The following COL28A1 variants were observed in gnomAD, a reference collection of about 807,000 sequenced individuals.
COL28A1 encodes collagen type XXVIII alpha 1 chain.
COL28A1 carries 161 observed loss-of-function variants against 150.2 expected under a neutral mutation model. The observed-to-expected ratio is 1.07, with a 90% CI of 0.94 to 1.22. The LOEUF (loss-of-function observed/expected upper bound fraction) is 1.22. COL28A1 is among the 50% of genes most tolerant of loss of function. The pLI is 0.00. For synonymous variants in COL28A1, 552 were observed against 469.7 expected (o/e 1.18, Z -2.26); for missense variants, 1,617 against 1,388.3 (o/e 1.16, Z -2.62).
At chr7:7,536,325 A>G (rs1480957648), upstream of COL28A1, among the ~76,000 whole-genome samples, 2 of 152,172 alleles carry the variant, frequency 1.3e-5, no homozygotes, top group Non-Finnish European at 2.9e-5. Flanking sequence ...ATTTTTTATA[A>G]TAAAAGGTAT....
the COL28A1 span, among the ~76,000 whole-genome samples, chr7:7,347,998 T>A: frequency 6.6e-6 from 1 of 152,154 alleles, no homozygotes; most frequent in East Asian, 1.9e-4. Context: ...GAGGCATTAA[T>A]TGGCATGGCA....
intron 33 of COL28A1, among the ~76,000 whole-genome samples, chr7:7,362,317 G>T (rs116307478): frequency 6.6e-6 from 1 of 151,520 alleles, no homozygotes; most frequent in Non-Finnish European, 1.5e-5. Flanking sequence ...CCTGAGTCCT[G>T]ACACTTGGTT....
chr7:7,447,289 T>G (rs1234772063), intron 18 of COL28A1, among the ~76,000 whole-genome samples: 1 of 152,024 alleles, frequency 6.6e-6, no homozygotes. Flanking sequence ...TGTGGGGCAT[T>G]CAATAAAAAA....
At position 7,506,481 on chromosome 7, in the gene COL28A1, CAAAGA is replaced by C. The variant is rs376164358; in HGVS notation, c.973-419_973-415del. ...TGGCTCTGACATTTCCAGGCTAAAG[CAAAGA>C]AGTTAGTGGTTAACTAGATGGTGTC... On this transcript the variant is annotated intron_variant, in intron 10 of 34. Transcript: ENST00000399429. Among the ~76,000 whole-genome samples, 700 of 152,232 alleles carry C rather than the reference CAAAGA, an allele frequency of 4.6e-3. 4 individuals carry two copies. The highest frequency in any genetic ancestry group is 0.022 in the East Asian group (113 of 5,180).
At chr7:7,431,644 AG>A (rs757798738) in intron 25 of COL28A1, 9 of 471,026 alleles carry the variant, frequency 1.9e-5, no homozygotes, top group South Asian at 1.1e-4. Flanking sequence ...AAGTGTTCAA[AG>A]TCTGAAAGAG....
At chr7:7,530,309 A>G (rs763630585) in intron 3 of COL28A1, among the ~76,000 whole-genome samples, 16 of 152,224 alleles carry the variant, frequency 1.1e-4, no homozygotes, top group Non-Finnish European at 2.1e-4. Context: ...AAGAGCTATT[A>G]TTTAGGTAAG....
At chr7:7,459,546 A>C (rs1277303325) in intron 15 of COL28A1, among the ~76,000 whole-genome samples, 6 of 152,238 alleles carry the variant, frequency 3.9e-5, no homozygotes, top group Non-Finnish European at 2.9e-5. Context: ...AAATGACTCC[A>C]AATTGATATG....
rs147643003 is a variant in COL28A1, at chr7:7,492,296, C to T, written c.1027-1650G>A. On this transcript the variant is annotated intron_variant, in intron 11 of 34. Coordinates refer to ENST00000399429, the MANE Select transcript of COL28A1 (RefSeq NM_001037763.3). Reference sequence around the variant, plus strand: ...TGCTTTACTATAAGAAGTCTGTAACCGATGTGGTGGCTCATGCCTGTAATC... The same window carrying T: ...TGCTTTACTATAAGAAGTCTGTAACTGATGTGGTGGCTCATGCCTGTAATC... 3.5e-4 allele frequency among the ~76,000 whole-genome samples: 53 copies of T among 151,820 alleles called. No homozygotes were observed. The East Asian group carries it at 9.5e-3, about 27-fold the overall frequency.
intron 13 of COL28A1, among the ~76,000 whole-genome samples, chr7:7,484,771 A>G (rs1331500459): frequency 6.6e-6 from 1 of 152,186 alleles, no homozygotes; most frequent in Non-Finnish European, 1.5e-5. Flanking sequence ...AAAATATGGT[A>G]TATATACACC....
At chr7:7,426,575 T>C (rs896950083) in intron 25 of COL28A1, among the ~76,000 whole-genome samples, 1 of 152,164 alleles carries the variant, frequency 6.6e-6, no homozygotes, top group African/African-American at 2.4e-5. Flanking sequence ...AGAAAATAAT[T>C]ATACAAATGC....
chr7:7,410,838 G>T (rs1048341815), intron 27 of COL28A1, among the ~76,000 whole-genome samples: 1 of 152,104 alleles, frequency 6.6e-6, no homozygotes, highest in Non-Finnish European at 1.5e-5. Context: ...CCCTTCTGCA[G>T]GTACTTACAA....
chr7:7,444,474 T>C lies in COL28A1; in HGVS notation c.1525A>G (p.Ile509Val), dbSNP rs372365805. The change falls in exon 19 of 35, where the codon ATA (isoleucine) becomes GTA (valine). Residue 509 changes from isoleucine to valine, a missense_variant. Transcript: ENST00000399429. ...VQGPKGEPGS[I>V]GLPGQPGVPG... ...ACTCCTGGTTGTCCTGGGAGCCCTATTGAGCCTGGCTCTCCCTGGTGAATG... is the reference window on the plus strand; with the variant it reads ...ACTCCTGGTTGTCCTGGGAGCCCTACTGAGCCTGGCTCTCCCTGGTGAATG... The C allele has an allele frequency of 1.1e-3, 1,784 of 1,614,006 alleles. 28 individuals carry two copies. In the South Asian group the frequency reaches 0.018, roughly 16 times the overall value.
At position 7,376,250 on chromosome 7, in the gene COL28A1, A is replaced by G. The variant is rs1325651060; in HGVS notation, c.2323-753T>C. Among the ~76,000 whole-genome samples, 7 of 152,248 alleles carry G rather than the reference A, an allele frequency of 4.6e-5. No individual in the cohort carries two copies. In the East Asian group the frequency reaches 1.3e-3, roughly 29 times the overall value. On this transcript the variant is annotated intron_variant, in intron 30 of 34. Transcript: ENST00000399429. The stretch of plus-strand genomic sequence containing the variant: ...CTTAAAGCTAAAAGAGATGATTAAC[A>G]GAAGCCTAGATCTCAACAGGAAGGA...
intron 26 of COL28A1, 96 bp downstream of exon 26, chr7:7,419,789 C>A: frequency 1.5e-6 from 1 of 687,496 alleles, no homozygotes; most frequent in Non-Finnish European, 2.2e-6. Flanking sequence ...AAAAATAAGT[C>A]AACACCAAGA....
intron 30 of COL28A1, among the ~76,000 whole-genome samples, chr7:7,378,595 G>T (rs542436178): frequency 6.6e-6 from 1 of 152,170 alleles, no homozygotes; most frequent in Non-Finnish European, 1.5e-5. Flanking sequence ...GGATACATTC[G>T]ATCACAGAAA....
At chr7:7,542,276 C>T in the COL28A1 span, among the ~76,000 whole-genome samples, 38 of 152,090 alleles carry the variant, frequency 2.5e-4, no homozygotes, top group African/African-American at 7.5e-4. Context: ...TGAACCAGTG[C>T]GCTGAGATGG....
intron 9 of COL28A1, among the ~76,000 whole-genome samples, chr7:7,508,228 T>C (rs946960102): frequency 2.7e-5 from 4 of 147,594 alleles, no homozygotes; most frequent in African/African-American, 7.5e-5. Flanking sequence ...CGAGACTCTG[T>C]CTCAAAAAAA....
intron 15 of COL28A1, among the ~76,000 whole-genome samples, chr7:7,471,377 G>A (rs989080357): frequency 6.6e-6 from 1 of 152,104 alleles, no homozygotes; most frequent in Non-Finnish European, 1.5e-5. Context: ...TATGAAGCCA[G>A]TATCATCCTA....
At chr7:7,436,051 C>T (rs28680470) in intron 23 of COL28A1, among the ~76,000 whole-genome samples, 7,793 of 152,236 alleles carry the variant, frequency 0.051, 700 homozygotes, top group African/African-American at 0.18. Context: ...CAAGCACACA[C>T]GCTTTTTTGG....
Sources: allele counts gnomAD v4.1 joint callset (sites outside exome capture counted in the v4.1 genomes callset), GRCh38; gene constraint gnomAD v4.1.1; transcripts MANE v1.5; gene names NCBI Gene and HGNC (gene_info 2026-07-23, HGNC 2026-07-21).